DHODH: variants seen among roughly 807,000 people sequenced by gnomAD.
The protein encoded by DHODH is dihydroorotate dehydrogenase (quinone), also known as dihydroorotate dehydrogenase (quinone), mitochondrial.
A neutral mutation model predicts 39.7 loss-of-function variants in DHODH; 30 were observed. The observed-to-expected ratio is 0.76, with a 90% CI of 0.57 to 1.02. DHODH has a LOEUF of 1.02. Ranked by LOEUF, DHODH falls within the 50% of genes least tolerant of loss-of-function variation. The pLI is 0.00. For synonymous variants in DHODH, 222 were observed against 213.8 expected (o/e 1.04, Z -0.34); for missense variants, 531 against 520.8 (o/e 1.02, Z -0.19).
At chr16:72,017,345 G>C (rs533897541) in intron 4 of DHODH, among the ~76,000 whole-genome samples, 1 of 152,232 alleles carries the variant, frequency 6.6e-6, no homozygotes, top group East Asian at 1.9e-4. Flanking sequence ...ACCTGTTACC[G>C]TAACTAGGGA....
intron 5 of DHODH, among the ~76,000 whole-genome samples, chr16:72,021,744 C>T (rs2041219813): frequency 6.6e-6 from 1 of 152,184 alleles, no homozygotes; most frequent in Non-Finnish European, 1.5e-5. Flanking sequence ...AGGTGGATCA[C>T]TTATAACCCA....
Position 72,027,609 on chromosome 16 carries a change from A to G in DHODH, c.*3410A>G, listed in dbSNP as rs1294736943. 1 of 152,112 alleles carries G rather than the reference A, an allele frequency of 6.6e-6. No homozygotes were observed. Among genetic ancestry groups the G allele is most frequent in the East Asian group, 1.9e-4 (1 of 5,184 alleles). 9.4% of individuals were successfully genotyped at this position (152,112 alleles called of 1,614,324 possible). A position where few individuals can be genotyped will look rare whatever the true frequency, so the allele number is the denominator to read the frequency against. ...CACTCACTCTTGTGTGGAGTGCATA[A>G]TTGTCTTTGCTTGCCAATTTCATAT... On this transcript the variant is annotated 3_prime_UTR_variant, in exon 9 of 9. Transcript: ENST00000219240.
intron 1 of DHODH, chr16:72,009,166 C>T (rs2041053946): frequency 3.6e-6 from 4 of 1,098,972 alleles, no homozygotes; most frequent in South Asian, 2.7e-5. Context: ...TTGTTAGGGG[C>T]GGGGGTCTCT....
intron 3 of DHODH, chr16:72,015,580 C>A: frequency 1.7e-6 from 1 of 587,778 alleles, no homozygotes; most frequent in Non-Finnish European, 2.1e-6. Flanking sequence ...GGAGACGGAC[C>A]TGTAGGACAT....
At chr16:72,009,647 G>C (rs12149380) in intron 1 of DHODH, among the ~76,000 whole-genome samples, 124,559 of 151,756 alleles carry the variant, frequency 0.82, 51,721 homozygotes, top group East Asian at 0.96. Context: ...CGGAGTCTTG[G>C]GCTGTCGCCC....
chr16:72,024,223 G>C lies in DHODH; in HGVS notation c.*24G>C, dbSNP rs763795540. 3.1e-6 allele frequency: 5 copies of C among 1,613,728 alleles called. No individual in the cohort carries two copies. ...GAGGACAGCGTCTGACGGGAAGCCT[G>C]ATCTGGAACCTTCCCAAGGACTCAG... On this transcript the variant is annotated 3_prime_UTR_variant, in exon 9 of 9. Coordinates refer to ENST00000219240, the MANE Select transcript of DHODH (RefSeq NM_001361.5).
chr16:72,010,684 A>G (rs189945828), intron 1 of DHODH, among the ~76,000 whole-genome samples: 109 of 152,328 alleles, frequency 7.2e-4, no homozygotes, highest in Admixed American at 2.3e-3. Context: ...CTTCTGTTTT[A>G]TATTTTACAC....
At chr16:72,009,760 G>A (rs1239296130) in intron 1 of DHODH, among the ~76,000 whole-genome samples, 2 of 151,772 alleles carry the variant, frequency 1.3e-5, no homozygotes, top group Admixed American at 1.3e-4. Context: ...GATTACAGGC[G>A]CGCGCCACCA....
intron 1 of DHODH, among the ~76,000 whole-genome samples, chr16:72,010,644 G>C (rs965709878): frequency 1.3e-5 from 2 of 152,198 alleles, no homozygotes; most frequent in African/African-American, 4.8e-5. Flanking sequence ...AAAGCATTGT[G>C]AACCACTTTT....
chr16:72,013,941 C>T (rs1021366201), intron 2 of DHODH, among the ~76,000 whole-genome samples: 1 of 152,208 alleles, frequency 6.6e-6, no homozygotes, highest in African/African-American at 2.4e-5. Context: ...CTTCCTTCCT[C>T]TGGTTCCCCG....
chr16:72,025,357 TTTAG>T lies in DHODH; in HGVS notation c.*1162_*1165del, dbSNP rs1400642074. 10 of 152,364 alleles carry T rather than the reference TTTAG, an allele frequency of 6.6e-5. No homozygotes were observed. The highest frequency in any genetic ancestry group is 2.4e-4 in the African/African-American group (10 of 41,584). 9.4% of individuals were successfully genotyped at this position (152,364 alleles called of 1,614,324 possible). A position where few individuals can be genotyped will look rare whatever the true frequency, so the allele number is the denominator to read the frequency against. On this transcript the variant is annotated 3_prime_UTR_variant, in exon 9 of 9. Transcript: ENST00000219240. ...TGGATGGAATGCACACTGTTATCTGTTTAGTTACTTTATGTTTTCATACAAATGA... is the reference window on the plus strand; with the variant it reads ...TGGATGGAATGCACACTGTTATCTGTTTACTTTATGTTTTCATACAAATGA...
intron 4 of DHODH, among the ~76,000 whole-genome samples, chr16:72,017,671 GGT>G (rs551410352): frequency 2.2e-4 from 34 of 152,010 alleles, no homozygotes; most frequent in African/African-American, 7.7e-4. Flanking sequence ...CAATACTTTG[GGT>G]GCCCAAGTTG....
chr16:72,017,527 G>A (rs898327608), intron 4 of DHODH, among the ~76,000 whole-genome samples: 3 of 152,094 alleles, frequency 2.0e-5, no homozygotes, highest in Admixed American at 6.5e-5. Flanking sequence ...ACAGAGAAGC[G>A]TAAAGAAAGA....
rs1171687100 is a variant in DHODH, at chr16:72,014,688, A to G, written c.434+16A>G. The G allele has an allele frequency of 6.2e-7, 1 of 1,613,716 alleles. No homozygotes were observed. The highest frequency in any genetic ancestry group is 8.5e-7 in the Non-Finnish European group (1 of 1,179,860). On this transcript the variant is annotated intron_variant, in intron 3 of 8. Transcript: ENST00000219240. ...TCATTAACAGGTAGGTGAGCGGCCC[A>G]GAGTTAACGGGGGATGCCCTCTTTC...
At chr16:72,017,129 G>C in intron 4 of DHODH, 23 bp downstream of exon 4, 1 of 1,610,104 alleles carries the variant, frequency 6.2e-7, no homozygotes, top group Non-Finnish European at 8.5e-7. Context: ...TGTGTCAGTG[G>C]GCCTTTCTTA....
chr16:72,015,600 C>T (rs976299978), intron 3 of DHODH: 6 of 795,238 alleles, frequency 7.5e-6, no homozygotes, highest in South Asian at 5.8e-5. Flanking sequence ...TTTACTTGGC[C>T]GTGCTTCCTG....
At chr16:72,017,207 A>G in intron 4 of DHODH, 101 bp downstream of exon 4, 2 of 1,253,896 alleles carry the variant, frequency 1.6e-6, no homozygotes, top group Non-Finnish European at 2.3e-6. Flanking sequence ...ATTGAGCAAT[A>G]GCAAAAACCA....
intron 1 of DHODH, 104 bp downstream of exon 1, chr16:72,008,889 G>C (rs2041049891): frequency 6.5e-7 from 1 of 1,549,108 alleles, no homozygotes; most frequent in Admixed American, 2.0e-5. Flanking sequence ...GGCTCCGGGA[G>C]TGTGGGCCCC....
At chr16:72,016,146 A>G (rs2041139518) in intron 3 of DHODH, 1 of 152,320 alleles carries the variant, frequency 6.6e-6, no homozygotes. Flanking sequence ...GACGCCCAAG[A>G]GCAGAAAGGA....
Sources: gnomAD v4.1 joint callset for allele counts (sites outside exome capture counted in the v4.1 genomes callset) on GRCh38, gnomAD v4.1.1 for gene constraint, MANE v1.5 for transcripts, NCBI Gene and HGNC (gene_info 2026-07-23, HGNC 2026-07-21) for gene names.